Variants in ZNF618 observed in about 807,000 individuals in gnomAD.
The protein encoded by ZNF618 is zinc finger protein 618, also known as neural precursor cell expressed, developmentally down-regulated 10.
ZNF618 carries 34 observed loss-of-function variants against 103.0 expected under a neutral mutation model. The ratio of observed to expected loss-of-function variants is 0.33; its 90% CI spans 0.25 to 0.44. The LOEUF (loss-of-function observed/expected upper bound fraction) is 0.44, where lower values mean the gene tolerates loss of function less well. ZNF618 is among the 20% of genes least tolerant of loss of function. ZNF618 has a pLI of 1.00. For missense variants in ZNF618, 1,059 were observed against 1,295.4 expected (o/e 0.82, Z 2.80); for synonymous variants, 551 against 542.2 (o/e 1.02, Z -0.23).
chr9:113,997,061 T>G (rs1204417361), intron 3 of ZNF618, among the ~76,000 whole-genome samples: 2 of 150,400 alleles, frequency 1.3e-5, no homozygotes, highest in African/African-American at 4.9e-5. Flanking sequence ...TCTCTCTTTC[T>G]TTTTTTTTTC....
intron 1 of ZNF618, among the ~76,000 whole-genome samples, chr9:113,934,113 A>G (rs1324198182): frequency 1.3e-5 from 2 of 152,154 alleles, no homozygotes; most frequent in African/African-American, 4.8e-5. Context: ...AGTATAGCCA[A>G]AATTGAAGAC....
chr9:113,901,546 A>G (rs1049654212), intron 1 of ZNF618, among the ~76,000 whole-genome samples: 5 of 152,246 alleles, frequency 3.3e-5, no homozygotes, highest in South Asian at 4.1e-4. Flanking sequence ...CGCCCGTGCC[A>G]GGGCCTCATG....
At chr9:113,896,240 T>A (rs1469321904) in intron 1 of ZNF618, among the ~76,000 whole-genome samples, 1 of 152,090 alleles carries the variant, frequency 6.6e-6, no homozygotes, top group Non-Finnish European at 1.5e-5. Flanking sequence ...TTTTAAAAAT[T>A]CTTGAGTGAA....
chr9:114,047,682 A>T (rs527350415), intron 13 of ZNF618, among the ~76,000 whole-genome samples: 1 of 152,284 alleles, frequency 6.6e-6, no homozygotes, highest in Non-Finnish European at 1.5e-5. Flanking sequence ...GCAATAGTGT[A>T]ATGTCCATAT....
chr9:113,931,304 G>A (rs1231978895), intron 1 of ZNF618, among the ~76,000 whole-genome samples: 1 of 152,246 alleles, frequency 6.6e-6, no homozygotes, highest in East Asian at 1.9e-4. Context: ...GGAGATGGCA[G>A]TTTAGGAGCG....
chr9:114,004,257 G>C (rs1174138462), intron 6 of ZNF618, among the ~76,000 whole-genome samples: 1 of 152,166 alleles, frequency 6.6e-6, no homozygotes, highest in East Asian at 1.9e-4. Flanking sequence ...TGAGGCCCAG[G>C]TCAGCTAGAC....
intron 6 of ZNF618, among the ~76,000 whole-genome samples, chr9:114,003,079 C>T (rs1453965757): frequency 1.3e-5 from 2 of 152,234 alleles, no homozygotes; most frequent in African/African-American, 4.8e-5. Context: ...CTCTGGGGCT[C>T]CGTAGTTGAC....
chr9:113,912,367 AG>A (rs1215106152), intron 1 of ZNF618, among the ~76,000 whole-genome samples: 6 of 152,172 alleles, frequency 3.9e-5, no homozygotes, highest in Non-Finnish European at 8.8e-5. Flanking sequence ...TGGCAGATGC[AG>A]GCAGCAGACG....
At chr9:113,916,987 A>G (rs747038942) in intron 1 of ZNF618, among the ~76,000 whole-genome samples, 7 of 152,226 alleles carry the variant, frequency 4.6e-5, no homozygotes, top group South Asian at 2.1e-4. Flanking sequence ...CTAATCTGGC[A>G]TCTTGTTCAG....
At chr9:114,016,882 A>G in intron 10 of ZNF618, 98 bp downstream of exon 10, 1 of 912,732 alleles carries the variant, frequency 1.1e-6, no homozygotes, top group Non-Finnish European at 1.7e-6. Context: ...GGAAATGGTG[A>G]AAGCAAGGTG....
At position 114,055,682 on chromosome 9, in the gene ZNF618, T is replaced by C. The variant is rs1304178022; in HGVS notation, c.*5515T>C. On this transcript the variant is annotated 3_prime_UTR_variant, in exon 15 of 15. Transcript: ENST00000374126. ...GACACATCTGACTGTGTCTCTCTCT[T>C]TGAGTGCAAGAAACTCAAGTCATCT... 3 of 150,248 alleles carry C rather than the reference T, an allele frequency of 2.0e-5. No individual in the cohort carries two copies. Among genetic ancestry groups the C allele is most frequent in the Non-Finnish European group, 4.4e-5 (3 of 67,572 alleles). The allele number at this position is 150,248 out of a possible 1,614,324, so 9.3% of individuals were successfully genotyped here.
chr9:113,963,647 A>T (rs1450663350), intron 1 of ZNF618, among the ~76,000 whole-genome samples: 6 of 152,230 alleles, frequency 3.9e-5, no homozygotes, highest in African/African-American at 1.4e-4. Context: ...AGGAATGATT[A>T]ATTATTTGAG....
chr9:114,050,476 G>A lies in ZNF618; in HGVS notation c.*309G>A, dbSNP rs1413636694. The A allele has an allele frequency of 8.5e-6, 2 of 234,052 alleles. No homozygotes were observed. Among genetic ancestry groups the A allele is most frequent in the East Asian group, 9.3e-5 (1 of 10,696 alleles). The allele number at this position is 234,052 out of a possible 1,614,324, so 14.5% of individuals were successfully genotyped here. On this transcript the variant is annotated 3_prime_UTR_variant, in exon 15 of 15. Transcript: ENST00000374126. ...CACACACACACACACACACACACAC[G>A]ACCCTGGTGCGTGTACATACGCCTG...
intron 13 of ZNF618, among the ~76,000 whole-genome samples, chr9:114,037,621 C>T (rs1288219258): frequency 1.3e-5 from 2 of 152,174 alleles, no homozygotes; most frequent in Non-Finnish European, 2.9e-5. Context: ...GCTGTTATTT[C>T]ACCTGTTATT....
rs1003132403 is a variant in ZNF618, at chr9:114,050,497, G to A, written c.*330G>A. 15 of 209,716 alleles carry A rather than the reference G, an allele frequency of 7.2e-5. No homozygotes were observed. Among genetic ancestry groups the A allele is most frequent in the Non-Finnish European group, 1.0e-4 (11 of 106,576 alleles). The allele number at this position is 209,716 out of a possible 1,614,324, so 13.0% of individuals were successfully genotyped here. On this transcript the variant is annotated 3_prime_UTR_variant, in exon 15 of 15. Transcript: ENST00000374126. ...ACACGACCCTGGTGCGTGTACATAC[G>A]CCTGTGCTTGGACGGGTGTGCATTG...
At chr9:113,992,607 C>T (rs1443612743) in intron 3 of ZNF618, among the ~76,000 whole-genome samples, 4 of 152,114 alleles carry the variant, frequency 2.6e-5, no homozygotes, top group Non-Finnish European at 4.4e-5. Context: ...AACCCAGCCT[C>T]GCTCCGGGCT....
chr9:113,880,606 A>G (rs1169153343), intron 1 of ZNF618, among the ~76,000 whole-genome samples: 2 of 152,232 alleles, frequency 1.3e-5, no homozygotes, highest in African/African-American at 4.8e-5. Flanking sequence ...ATCATGGGCC[A>G]TTAGTGGCCT....
At chr9:114,036,249 G>A (rs1474785824) in intron 12 of ZNF618, 51 bp from the exon 13 acceptor site, 2 of 1,520,190 alleles carry the variant, frequency 1.3e-6, no homozygotes, top group East Asian at 2.5e-5. Context: ...CCAGCAGAAG[G>A]TGTCTGCGTC....
At chr9:114,036,023 C>T (rs533061783) in intron 12 of ZNF618, among the ~76,000 whole-genome samples, 9 of 152,324 alleles carry the variant, frequency 5.9e-5, no homozygotes, top group South Asian at 2.1e-4. Context: ...ATCTCAAGTG[C>T]GCCGAACAGT....
Sources: gnomAD v4.1 joint callset for allele counts (sites outside exome capture counted in the v4.1 genomes callset) on GRCh38, gnomAD v4.1.1 for gene constraint, MANE v1.5 for transcripts, NCBI Gene and HGNC (gene_info 2026-07-23, HGNC 2026-07-21) for gene names.